SPAST: variants seen among roughly 807,000 people sequenced by gnomAD.
The protein encoded by SPAST is spastic paraplegia 4 (autosomal dominant; spastin).
Under a neutral mutation model 76.6 loss-of-function variants are expected in SPAST, and 30 were observed. The observed-to-expected ratio is 0.39, with a 90% CI of 0.29 to 0.53. SPAST has a LOEUF of 0.53. Among genes scored for constraint, SPAST ranks in the 20% least tolerant of loss-of-function variants. SPAST has a pLI of 0.68. For synonymous variants in SPAST, 305 were observed against 281.0 expected (o/e 1.09, Z -0.86); for missense variants, 717 against 770.5 (o/e 0.93, Z 0.82).
intron 2 of SPAST, among the ~76,000 whole-genome samples, chr2:32,087,808 G>C (rs1255296499): frequency 6.9e-6 from 1 of 144,362 alleles, no homozygotes; most frequent in Non-Finnish European, 1.5e-5. Context: ...TGATCCTCCT[G>C]CCTCTGCTTC....
chr2:32,110,164 G>T (rs1272610039), intron 4 of SPAST, among the ~76,000 whole-genome samples: 4 of 146,806 alleles, frequency 2.7e-5, no homozygotes, highest in African/African-American at 1.0e-4. Flanking sequence ...TGTCCCCCAG[G>T]CTGGAATGCA....
At chr2:32,146,742 G>A (rs1275931442) in intron 15 of SPAST, among the ~76,000 whole-genome samples, 1 of 149,638 alleles carries the variant, frequency 6.7e-6, no homozygotes, top group Non-Finnish European at 1.5e-5. Flanking sequence ...GTGCGCACCT[G>A]TAATCCCAGC....
chr2:32,149,252 G>T (rs1433406640), intron 16 of SPAST, among the ~76,000 whole-genome samples: 3 of 30,956 alleles, frequency 9.7e-5, no homozygotes, highest in Non-Finnish European at 1.8e-4. Flanking sequence ...ACCACGCCCA[G>T]CTAATTTTTT....
Position 32,094,953 on chromosome 2 carries a change from A to G in SPAST, c.587-3843A>G, listed in dbSNP as rs536995571. On this transcript the variant is annotated intron_variant, in intron 3 of 16. Transcript: ENST00000315285. ...CACTGCCCTCCAGCCTGGGCAACAA[A>G]GCGAGACTCCGTCTCAAAGCCAGAA... Among the ~76,000 whole-genome samples the G allele has an allele frequency of 1.1e-4, 17 of 152,358 alleles. 1 individual carries two copies. The Middle Eastern group carries it at 0.031, about 274-fold the overall frequency.
At chr2:32,147,178 A>G (rs1443220353) in intron 15 of SPAST, 40 bp from the exon 16 acceptor site, 9 of 1,488,500 alleles carry the variant, frequency 6.0e-6, no homozygotes, top group Non-Finnish European at 8.4e-6. Context: ...CAACTGCAAA[A>G]TGTATGTATT....
At chr2:32,086,335 G>C (rs1303423489) in intron 1 of SPAST, among the ~76,000 whole-genome samples, 2 of 151,896 alleles carry the variant, frequency 1.3e-5, no homozygotes, top group Non-Finnish European at 2.9e-5. Flanking sequence ...GGTGGCACAT[G>C]CCTGTAGTCT....
intron 9 of SPAST, among the ~76,000 whole-genome samples, chr2:32,133,402 T>G (rs1346469994): frequency 6.6e-6 from 1 of 152,186 alleles, no homozygotes; most frequent in African/African-American, 2.4e-5. Flanking sequence ...CTCCACCATC[T>G]TTATCCACTC....
At chr2:32,124,140 C>T (rs1316819357) in intron 7 of SPAST, among the ~76,000 whole-genome samples, 2 of 152,024 alleles carry the variant, frequency 1.3e-5, no homozygotes, top group East Asian at 3.8e-4. Context: ...GGACCAGTAT[C>T]CAAAATATAC....
At chr2:32,138,041 C>T (rs1679598017) in intron 12 of SPAST, among the ~76,000 whole-genome samples, 1 of 152,034 alleles carries the variant, frequency 6.6e-6, no homozygotes, top group African/African-American at 2.4e-5. Context: ...GTGTACGTAC[C>T]ACATTTTCTT....
Position 32,098,818 on chromosome 2 carries a change from A to G in SPAST, c.609A>G (p.Pro203=). ...QLLEKMQPVL[P]FSKSQTDVYN... is the part of the protein sequence containing the mutation. ...TAGAGAAGATGCAACCAGTTTTGCCATTTTCCAAGTCACAAACGGACGTCT... is the reference window on the plus strand; with the variant it reads ...TAGAGAAGATGCAACCAGTTTTGCCGTTTTCCAAGTCACAAACGGACGTCT... The change falls in exon 4 of 17, where the codon CCA becomes CCG. Residue 203 remains proline, a synonymous_variant. Transcript: ENST00000315285. 3 of 1,613,426 alleles carry G rather than the reference A, an allele frequency of 1.9e-6. No homozygotes were observed. The highest frequency in any genetic ancestry group is 1.1e-5 in the South Asian group (1 of 91,060).
chr2:32,093,880 A>G (rs1310014331), intron 3 of SPAST, among the ~76,000 whole-genome samples: 1 of 152,170 alleles, frequency 6.6e-6, no homozygotes, highest in Non-Finnish European at 1.5e-5. Context: ...TAATCTTTTC[A>G]TCTATTGCAG....
chr2:32,082,348 T>TCCAAGC (rs1248593995), intron 1 of SPAST, among the ~76,000 whole-genome samples: 2 of 152,052 alleles, frequency 1.3e-5, no homozygotes, highest in African/African-American at 4.8e-5. Flanking sequence ...GATGTTATAA[T>TCCAAGC]CCAAGCCCAA....
Position 32,116,291 on chromosome 2 carries a change from T to C in SPAST, c.1098+79T>C, listed in dbSNP as rs1397028731. ...AGTAGTAGTAGTAGTAAAGAAATATTTGAGCTATACTAAAATAATTAATTC... is the reference window on the plus strand; with the variant it reads ...AGTAGTAGTAGTAGTAAAGAAATATCTGAGCTATACTAAAATAATTAATTC... On this transcript the variant is annotated intron_variant, in intron 7 of 16. Transcript: ENST00000315285. 3.3e-6 allele frequency: 3 copies of C among 898,066 alleles called. No individual in the cohort carries two copies. In the African/African-American group the frequency reaches 5.0e-5, roughly 15 times the overall value. 55.6% of individuals were successfully genotyped at this position (898,066 alleles called of 1,614,324 possible). A position where few individuals can be genotyped will look rare whatever the true frequency, so the allele number is the denominator to read the frequency against.
chr2:32,109,353 C>T (rs973136149), intron 4 of SPAST, among the ~76,000 whole-genome samples: 20 of 152,044 alleles, frequency 1.3e-4, no homozygotes, highest in Non-Finnish European at 1.9e-4. Context: ...AGGTGATCCA[C>T]CCGCCTCGGC....
chr2:32,080,590 T>C (rs1677181310), intron 1 of SPAST, among the ~76,000 whole-genome samples: 1 of 128,856 alleles, frequency 7.8e-6, no homozygotes, highest in South Asian at 2.8e-4. Flanking sequence ...AACTAGGGAC[T>C]GTTGGGAGCT....
At chr2:32,094,917 C>T (rs894256939) in intron 3 of SPAST, among the ~76,000 whole-genome samples, 4 of 152,210 alleles carry the variant, frequency 2.6e-5, no homozygotes, top group Non-Finnish European at 2.9e-5. Flanking sequence ...TGCAGTGAGC[C>T]GAGGTTGCGC....
intron 4 of SPAST, among the ~76,000 whole-genome samples, 196 bp from the exon 5 acceptor site, chr2:32,114,442 A>C (rs1372856490): frequency 6.6e-6 from 1 of 152,148 alleles, no homozygotes; most frequent in Non-Finnish European, 1.5e-5. Context: ...TAGGGGGAAA[A>C]AACCTAATAA....
intron 1 of SPAST, among the ~76,000 whole-genome samples, chr2:32,086,188 T>A (rs1677466700): frequency 1.3e-5 from 2 of 152,096 alleles, no homozygotes; most frequent in Admixed American, 1.3e-4. Flanking sequence ...CCAGGTGTGG[T>A]CACTCAGGCT....
chr2:32,070,067 AATT>A (rs1367803533), intron 1 of SPAST, among the ~76,000 whole-genome samples: 23 of 136,366 alleles, frequency 1.7e-4, no homozygotes, highest in East Asian at 4.6e-4. Flanking sequence ...AAAAAAAAAA[AATT>A]TTTTTTTTTT....
Sources: allele counts gnomAD v4.1 joint callset (sites outside exome capture counted in the v4.1 genomes callset), GRCh38; gene constraint gnomAD v4.1.1; transcripts MANE v1.5; gene names NCBI Gene and HGNC (gene_info 2026-07-23, HGNC 2026-07-21).